PEX3: variants seen among roughly 807,000 people sequenced by gnomAD.
PEX3 encodes peroxisomal biogenesis factor 3.
A neutral mutation model predicts 55.8 loss-of-function variants in PEX3; 30 were observed. The ratio of observed to expected loss-of-function variants is 0.54; its 90% confidence interval spans 0.40 to 0.73. PEX3 has a LOEUF of 0.73. PEX3 is among the 30% of genes least tolerant of loss of function. PEX3 has a pLI of 0.00. For missense variants in PEX3, 351 were observed against 432.8 expected, an observed-to-expected ratio of 0.81 and a Z score of 1.68; for synonymous variants, 135 against 148.4, an observed-to-expected ratio of 0.91 and a Z score of 0.66.
chr6:143,481,796 T>C (rs1449379696), intron 10 of PEX3, among the ~76,000 whole-genome samples: 2 of 151,864 alleles, frequency 1.3e-5, no homozygotes, highest in African/African-American at 4.8e-5. Context: ...GGCAGGAAGA[T>C]TGCTTGAGGC....
Position 143,458,732 on chromosome 6 carries a change from A to G in PEX3, c.74-353A>G, listed in dbSNP as rs1005335980. Among the ~76,000 whole-genome samples, 4 of 152,224 alleles carry G rather than the reference A, an allele frequency of 2.6e-5. No individual in the cohort carries two copies. Among genetic ancestry groups the G allele is most frequent in the Non-Finnish European group, 5.9e-5 (4 of 68,038 alleles). ...TTTAGCAATGTGGTTTTTAATAACT[A>G]CATAAGATTTCGTTGTATGGCTAGA... On this transcript the variant is annotated intron_variant, in intron 1 of 11. Coordinates refer to ENST00000367591, the MANE Select transcript of PEX3 (RefSeq NM_003630.3). This position sits in a 1 kb window ranked among gnomAD's most constrained non-coding sequence, Gnocchi z 6.1.
chr6:143,460,943 C>A (rs1426226006), intron 2 of PEX3, among the ~76,000 whole-genome samples: 1 of 150,954 alleles, frequency 6.6e-6, no homozygotes, highest in African/African-American at 2.4e-5. Flanking sequence ...ACCCTTGTGT[C>A]AGTTTGGGTC....
chr6:143,488,179 A>T lies in PEX3; in HGVS notation c.1039-964A>T, dbSNP rs1780344049. Among the ~76,000 whole-genome samples, 1 of 152,024 alleles carries T rather than the reference A, an allele frequency of 6.6e-6. No homozygotes were observed. The highest frequency in any genetic ancestry group is 2.4e-5 in the African/African-American group (1 of 41,418). On this transcript the variant is annotated intron_variant, in intron 11 of 11. Transcript: ENST00000367591. The surrounding 1 kb of genome is among the most constrained non-coding windows in gnomAD (Gnocchi z 4.9). ...TGAGATTAGGACATGTCTAAACCTC[A>T]CTTGGATTTTCCGATACTTAAGAAA...
chr6:143,478,697 C>T (rs1022648705), intron 9 of PEX3, among the ~76,000 whole-genome samples: 1 of 152,082 alleles, frequency 6.6e-6, no homozygotes, highest in Admixed American at 6.5e-5. Flanking sequence ...AGTATCATTT[C>T]CTCATCTGTA....
At position 143,486,043 on chromosome 6, in the gene PEX3, C is replaced by G. The variant is rs1171689193; in HGVS notation, c.1038+795C>G. 6.6e-6 allele frequency among the ~76,000 whole-genome samples: 1 copy of G among 152,102 alleles called. No homozygotes were observed. Among genetic ancestry groups the G allele is most frequent in the African/African-American group, 2.4e-5 (1 of 41,430 alleles). ...GTATCCTCTCTGTAGACTTTTTACT[C>G]TTGGGAACGTGGAGAGCACTGAGAC... is the stretch of plus-strand genomic sequence containing the variant. On this transcript the variant is annotated intron_variant, in intron 11 of 11. Coordinates refer to ENST00000367591, the MANE Select transcript of PEX3 (RefSeq NM_003630.3). The surrounding 1 kb of genome is among the most constrained non-coding windows in gnomAD (Gnocchi z 5.0).
rs1431003513 is a variant in PEX3 at position 143,485,818 on chromosome 6, C to G, written c.1038+570C>G. Reference sequence around the variant, plus strand: ...TAATTCATTGAGTAATTCAGTAATTCATTGAGTAAGACAAATATTATAAAC... The same window carrying G: ...TAATTCATTGAGTAATTCAGTAATTGATTGAGTAAGACAAATATTATAAAC... On this transcript the variant is annotated intron_variant, in intron 11 of 11. Coordinates refer to ENST00000367591, the MANE Select transcript of PEX3 (RefSeq NM_003630.3). This position sits in a 1 kb window ranked among gnomAD's most constrained non-coding sequence, Gnocchi z 5.6. Among the ~76,000 whole-genome samples the G allele has an allele frequency of 2.0e-5, 3 of 152,064 alleles. No homozygotes were observed. The highest frequency in any genetic ancestry group is 2.0e-4 in the Admixed American group (3 of 15,252).
In PEX3 at chr6:143,462,482, A is replaced by C. The variant is rs1011585524; in HGVS notation, c.206-434A>C. Among the ~76,000 whole-genome samples the C allele has an allele frequency of 2.6e-5, 4 of 152,212 alleles. No homozygotes were observed. Among genetic ancestry groups the C allele is most frequent in the Non-Finnish European group, 4.4e-5 (3 of 68,034 alleles). ...AATAAACTTTTTAAAAATTAGAATG[A>C]AAAATGAAGGAAAAAGTATAGCTGA... On this transcript the variant is annotated intron_variant, in intron 2 of 11. Coordinates refer to ENST00000367591, the MANE Select transcript of PEX3 (RefSeq NM_003630.3). The surrounding 1 kb of genome is among the most constrained non-coding windows in gnomAD (Gnocchi z 4.1).
chr6:143,480,416 A>G (rs1313170811), intron 10 of PEX3, among the ~76,000 whole-genome samples: 1 of 152,192 alleles, frequency 6.6e-6, no homozygotes, highest in East Asian at 1.9e-4. Flanking sequence ...AACAGCCATG[A>G]TAGTGTTTCT....
rs1243282665 is a variant in PEX3, at chr6:143,487,395, G to A, written c.1039-1748G>A. Among the ~76,000 whole-genome samples, 1 of 152,126 alleles carries A rather than the reference G, an allele frequency of 6.6e-6. No individual in the cohort carries two copies. The highest frequency in any genetic ancestry group is 6.6e-5 in the Admixed American group (1 of 15,262). On this transcript the variant is annotated intron_variant, in intron 11 of 11. Transcript: ENST00000367591. This position sits in a 1 kb window ranked among gnomAD's most constrained non-coding sequence, Gnocchi z 5.3. Reference sequence around the variant, plus strand: ...ATTGGTTTATGTGTTGTTTATGGCTGCTTTTGCACTACAATGGTAGTATTT... The same window carrying A: ...ATTGGTTTATGTGTTGTTTATGGCTACTTTTGCACTACAATGGTAGTATTT...
Position 143,450,992 on chromosome 6 carries a change from T to A in PEX3, c.-51T>A. 1.5e-6 allele frequency: 2 copies of A among 1,311,736 alleles called. No individual in the cohort carries two copies. Among genetic ancestry groups the A allele is most frequent in the Non-Finnish European group, 2.2e-6 (2 of 903,558 alleles). The allele number at this position is 1,311,736 out of a possible 1,614,324, so 81.3% of individuals were successfully genotyped here. A position where few individuals can be genotyped will look rare whatever the true frequency, so the allele number is the denominator to read the frequency against. On this transcript the variant is annotated 5_prime_UTR_variant, in exon 1 of 12. Transcript: ENST00000367591. ...GCCAGGTGACGAAGAAACAGTTTCC[T>A]GGTGAAGCAGTCCCTCACCCCTAGT...
In PEX3 at chr6:143,489,317, C is replaced by A; in HGVS notation, c.*91C>A. On this transcript the variant is annotated 3_prime_UTR_variant, in exon 12 of 12. Transcript: ENST00000367591. The surrounding 1 kb of genome is among the most constrained non-coding windows in gnomAD (Gnocchi z 5.5). ...TATACTTAGAGTAACAGTTTGTTAT[C>A]AAAATGCCTGATAAAATATATTCTT... 7 of 757,340 alleles carry A rather than the reference C, an allele frequency of 9.2e-6. No homozygotes were observed. Among genetic ancestry groups the A allele is most frequent in the South Asian group, 1.4e-5 (1 of 69,844 alleles). 46.9% of individuals were successfully genotyped at this position (757,340 alleles called of 1,614,324 possible).
In PEX3 at chr6:143,483,814, T is replaced by C. The variant is rs1720662288; in HGVS notation, c.942-1338T>C. On this transcript the variant is annotated intron_variant, in intron 10 of 11. Transcript: ENST00000367591. This position sits in a 1 kb window ranked among gnomAD's most constrained non-coding sequence, Gnocchi z 4.3. ...CCACTGTACACAAGACCTTTTACTA[T>C]GTGCTGGGACAATACAGTGCATAAG... 6.6e-6 allele frequency among the ~76,000 whole-genome samples: 1 copy of C among 152,150 alleles called. No homozygotes were observed. The highest frequency in any genetic ancestry group is 2.4e-5 in the African/African-American group (1 of 41,462).
intron 3 of PEX3, among the ~76,000 whole-genome samples, chr6:143,467,394 T>C (rs759182204): frequency 6.6e-6 from 1 of 152,114 alleles, no homozygotes; most frequent in Non-Finnish European, 1.5e-5. Context: ...TAAATAAACA[T>C]TTATTAGCTT....
At chr6:143,481,981 T>TA (rs1221547599) in intron 10 of PEX3, among the ~76,000 whole-genome samples, 1 of 146,730 alleles carries the variant, frequency 6.8e-6, no homozygotes, top group Non-Finnish European at 1.5e-5. Context: ...AAAAAATATA[T>TA]AAAAAAAGAG....
In PEX3 at chr6:143,475,132, G is replaced by C. The variant is rs943152918; in HGVS notation, c.818+276G>C. ...GGATTGTCCACTTTTTTGTTATTCA[G>C]ATTTCCACCTCATCATTTCATGAAG... On this transcript the variant is annotated intron_variant, in intron 9 of 11. Transcript: ENST00000367591. The surrounding 1 kb of genome is among the most constrained non-coding windows in gnomAD (Gnocchi z 4.4). Among the ~76,000 whole-genome samples the C allele has an allele frequency of 6.6e-6, 1 of 151,940 alleles. No homozygotes were observed. The highest frequency in any genetic ancestry group is 1.5e-5 in the Non-Finnish European group (1 of 67,994).
chr6:143,451,999 A>G lies in PEX3; in HGVS notation c.73+884A>G, dbSNP rs558048813. On this transcript the variant is annotated intron_variant, in intron 1 of 11. Transcript: ENST00000367591. This position sits in a 1 kb window ranked among gnomAD's most constrained non-coding sequence, Gnocchi z 4.1. Reference sequence around the variant, plus strand: ...ACTTATTACATGCTATGTTTACAAAAGTACTTAAAATCAAGAACAGAGTTT... The same window carrying G: ...ACTTATTACATGCTATGTTTACAAAGGTACTTAAAATCAAGAACAGAGTTT... Among the ~76,000 whole-genome samples the G allele has an allele frequency of 6.6e-6, 1 of 152,362 alleles. No homozygotes were observed. The highest frequency in any genetic ancestry group is 2.1e-4 in the South Asian group (1 of 4,830).
chr6:143,489,582 T>C lies in PEX3; in HGVS notation c.*356T>C, dbSNP rs1447742619. The C allele has an allele frequency of 1.9e-5, 3 of 154,738 alleles. No individual in the cohort carries two copies. Among genetic ancestry groups the C allele is most frequent in the Non-Finnish European group, 2.8e-5 (2 of 70,540 alleles). The allele number at this position is 154,738 out of a possible 1,614,324, so 9.6% of individuals were successfully genotyped here. ...TCAGTGTACTTTACCATATTAATACTGAGGAAAAATCTGTTGGAGACATAG... is the reference window on the plus strand; with the variant it reads ...TCAGTGTACTTTACCATATTAATACCGAGGAAAAATCTGTTGGAGACATAG... On this transcript the variant is annotated 3_prime_UTR_variant, in exon 12 of 12. Transcript: ENST00000367591. This position sits in a 1 kb window ranked among gnomAD's most constrained non-coding sequence, Gnocchi z 5.5.
At chr6:143,480,357 A>T (rs1258129317) in intron 10 of PEX3, among the ~76,000 whole-genome samples, 1 of 152,180 alleles carries the variant, frequency 6.6e-6, no homozygotes, top group African/African-American at 2.4e-5. Context: ...TTTAACATAA[A>T]TACTTGATTT....
At position 143,485,419 on chromosome 6, in the gene PEX3, A is replaced by G. The variant is rs1387291591; in HGVS notation, c.1038+171A>G. Among the ~76,000 whole-genome samples, 1 of 152,100 alleles carries G rather than the reference A, an allele frequency of 6.6e-6. No homozygotes were observed. Among genetic ancestry groups the G allele is most frequent in the East Asian group, 1.9e-4 (1 of 5,196 alleles). On this transcript the variant is annotated intron_variant, in intron 11 of 11. Coordinates refer to ENST00000367591, the MANE Select transcript of PEX3 (RefSeq NM_003630.3). The surrounding 1 kb of genome is among the most constrained non-coding windows in gnomAD (Gnocchi z 5.6). Reference sequence around the variant, plus strand: ...TGTCCCATGAGAGTAATAACGGACCATAGCAAATGTGTAAGTTTGGAGTAC... The same window carrying G: ...TGTCCCATGAGAGTAATAACGGACCGTAGCAAATGTGTAAGTTTGGAGTAC...
Sources: gnomAD v4.1 joint callset for allele counts (sites outside exome capture counted in the v4.1 genomes callset) on GRCh38, gnomAD v4.1.1 for gene constraint, Gnocchi (gnomAD v3.1) non-coding constraint, MANE v1.5 for transcripts, NCBI Gene and HGNC (gene_info 2026-07-23, HGNC 2026-07-21) for gene names.